The following MYZAP variants were observed in gnomAD, a reference collection of about 807,000 sequenced individuals.
The protein encoded by MYZAP is GRINL1A complex locus upstream.
Under a neutral mutation model 69.4 loss-of-function variants are expected in MYZAP, and 66 were observed. The ratio of observed to expected loss-of-function variants is 0.95; its 90% CI spans 0.78 to 1.17. The LOEUF is 1.17. Among genes scored for constraint, MYZAP ranks in the 50% most tolerant of loss-of-function variants. The probability of loss-of-function intolerance (pLI) is 0.00; values close to 1 mark genes in which losing one functional copy is unlikely to be tolerated. For missense variants in MYZAP, 611 were observed against 556.2 expected, an observed-to-expected ratio of 1.10 and a Z score of -0.99; for synonymous variants, 256 against 205.9, an observed-to-expected ratio of 1.24 and a Z score of -2.09.
intron 10 of MYZAP, among the ~76,000 whole-genome samples, chr15:57,651,573 G>A (rs1274345238): frequency 4.6e-5 from 7 of 152,208 alleles, no homozygotes; most frequent in African/African-American, 1.7e-4. Context: ...AGGGTGTGGT[G>A]TGAATAGGAC....
At chr15:57,682,958 C>G (rs1485561697) in intron 12 of MYZAP, among the ~76,000 whole-genome samples, 1 of 152,134 alleles carries the variant, frequency 6.6e-6, no homozygotes, top group Non-Finnish European at 1.5e-5. Context: ...CCTCAATTTT[C>G]CCATCATGTG....
In MYZAP at chr15:57,673,237, G is replaced by A. The variant is rs147844661; in HGVS notation, c.1204-1731G>A. 2.4e-3 allele frequency among the ~76,000 whole-genome samples: 366 copies of A among 152,160 alleles called. 3 individuals are homozygous for A. The highest frequency in any genetic ancestry group is 8.3e-3 in the African/African-American group (345 of 41,496). On this transcript the variant is annotated intron_variant, in intron 11 of 12. Coordinates refer to ENST00000267853, the MANE Select transcript of MYZAP (RefSeq NM_001018100.5). ...GCATATTTGCTAACCTTGTCTTTTA[G>A]GCCCCCTACCTATAGGTATTAGACC...
chr15:57,620,587 G>A (rs887145083), intron 3 of MYZAP, among the ~76,000 whole-genome samples: 3 of 152,182 alleles, frequency 2.0e-5, no homozygotes, highest in Non-Finnish European at 4.4e-5. Flanking sequence ...CTTGAACAGC[G>A]TTTGTGTAAA....
intron 2 of MYZAP, among the ~76,000 whole-genome samples, chr15:57,617,449 A>C (rs1396727076): frequency 6.6e-6 from 1 of 152,202 alleles, no homozygotes; most frequent in Non-Finnish European, 1.5e-5. Flanking sequence ...ACCAGCCAAC[A>C]GGACTGGGAG....
intron 7 of MYZAP, 78 bp downstream of exon 7, chr15:57,632,637 T>C: frequency 6.4e-7 from 1 of 1,569,556 alleles, no homozygotes; most frequent in Non-Finnish European, 8.6e-7. Flanking sequence ...TACGTAGTAG[T>C]GTTTATTCTT....
At chr15:57,595,535 G>A (rs1008920470) in intron 1 of MYZAP, among the ~76,000 whole-genome samples, 2 of 151,974 alleles carry the variant, frequency 1.3e-5, no homozygotes, top group Non-Finnish European at 2.9e-5. Context: ...TGTGCTTTGC[G>A]GGGAAGGCAT....
At chr15:57,602,338 G>A (rs1485648056) in intron 1 of MYZAP, among the ~76,000 whole-genome samples, 3 of 152,172 alleles carry the variant, frequency 2.0e-5, no homozygotes, top group African/African-American at 7.2e-5. Context: ...TCTGAGGTCT[G>A]TGAAGGAACT....
rs770449271 is a variant in MYZAP at position 57,621,639 on chromosome 15, G to A, written c.350G>A (p.Arg117Gln). The A allele has an allele frequency of 3.4e-5, 55 of 1,613,744 alleles. No individual in the cohort carries two copies. The South Asian group carries it at 4.2e-4, about 12-fold the overall frequency. Residue 117 changes from arginine to glutamine, a missense_variant, in exon 4 of 13, where the codon CGA (arginine) becomes CAA (glutamine). Transcript: ENST00000267853. Reference sequence around the variant, plus strand: ...GCCACTTTGGAAAAGGTGAGAAAGCGAATGTATGGAGACTATGATGAGATG... The same window carrying A: ...GCCACTTTGGAAAAGGTGAGAAAGCAAATGTATGGAGACTATGATGAGATG... ...VRATLEKVRK[R>Q]MYGDYDEMRQ...
chr15:57,631,465 G>GAAA (rs58374321), intron 6 of MYZAP, among the ~76,000 whole-genome samples: 4 of 149,572 alleles, frequency 2.7e-5, no homozygotes, highest in African/African-American at 4.9e-5. Context: ...CCCAAATTGG[G>GAAA]AAAAAAAAAA....
At chr15:57,639,368 G>A in intron 9 of MYZAP, 72 bp from the exon 10 acceptor site, 1 of 1,509,120 alleles carries the variant, frequency 6.6e-7, no homozygotes, top group Non-Finnish European at 9.1e-7. Context: ...ATTCTTTAAA[G>A]CTGTGACTGT....
chr15:57,644,172 C>T (rs1200671887), intron 10 of MYZAP, among the ~76,000 whole-genome samples: 2 of 152,320 alleles, frequency 1.3e-5, no homozygotes, highest in African/African-American at 4.8e-5. Flanking sequence ...CCCGGATTCT[C>T]AGAGCGGTGG....
rs2037010174 is a variant in MYZAP, at chr15:57,639,505, T to G, written c.1079T>G (p.Val360Gly). ...CGGATCAGACACCTAGATGACATGG[T>G]GCATTGCCAGCAGAAGAAAGTCAAG... ...RERIRHLDDM[V>G]HCQQKKVKQM... The change falls in exon 10 of 13, where the codon GTG becomes GGG. Residue 360 changes from valine to glycine, a missense_variant. Coordinates refer to ENST00000267853, the MANE Select transcript of MYZAP (RefSeq NM_001018100.5). The G allele has an allele frequency of 6.2e-7, 1 of 1,613,926 alleles. No individual in the cohort carries two copies. Among genetic ancestry groups the G allele is most frequent in the African/African-American group, 1.3e-5 (1 of 74,902 alleles).
chr15:57,602,942 T>A (rs2034510060), intron 1 of MYZAP, among the ~76,000 whole-genome samples: 1 of 152,202 alleles, frequency 6.6e-6, no homozygotes, highest in Admixed American at 6.5e-5. Context: ...GTAGTCCATT[T>A]TTCCCTCTGT....
At chr15:57,617,702 T>G (rs1208050253) in intron 2 of MYZAP, among the ~76,000 whole-genome samples, 1 of 152,202 alleles carries the variant, frequency 6.6e-6, no homozygotes, top group Non-Finnish European at 1.5e-5. Flanking sequence ...ACAGCATTAT[T>G]AAGAGCATGA....
chr15:57,621,278 T>G (rs1204354655), intron 3 of MYZAP, among the ~76,000 whole-genome samples: 1 of 149,404 alleles, frequency 6.7e-6, no homozygotes, highest in Non-Finnish European at 1.5e-5. Flanking sequence ...TGGCATGATC[T>G]CGGCTCACTG....
chr15:57,628,588 G>A (rs1211630722), intron 5 of MYZAP, among the ~76,000 whole-genome samples: 1 of 152,092 alleles, frequency 6.6e-6, no homozygotes, highest in East Asian at 1.9e-4. Context: ...CTTCAGTGCG[G>A]CCTGGAGCAA....
intron 11 of MYZAP, among the ~76,000 whole-genome samples, chr15:57,667,607 G>A (rs1196334213): frequency 6.6e-6 from 1 of 152,138 alleles, no homozygotes; most frequent in Non-Finnish European, 1.5e-5. Context: ...TTGATTTATT[G>A]TATCAAATCG....
At chr15:57,629,936 T>C in intron 6 of MYZAP, 82 bp downstream of exon 6, 1 of 1,503,130 alleles carries the variant, frequency 6.7e-7, no homozygotes, top group Non-Finnish European at 8.9e-7. Context: ...TCTTCAACCT[T>C]TCCATTTCCT....
rs189151991 is a variant in MYZAP at position 57,602,989 on chromosome 15, C to T, written c.76-1280C>T. On this transcript the variant is annotated intron_variant, in intron 1 of 12. Transcript: ENST00000267853. ...ATGACTTTGCCCCTAAGTCACCCTTCGTCAACAGAATATGATAAATCACAC... is the reference window on the plus strand; with the variant it reads ...ATGACTTTGCCCCTAAGTCACCCTTTGTCAACAGAATATGATAAATCACAC... Among the ~76,000 whole-genome samples, 5 of 152,284 alleles carry T rather than the reference C, an allele frequency of 3.3e-5. No individual in the cohort carries two copies. In the East Asian group the frequency reaches 7.7e-4, roughly 23 times the overall value.
Sources: allele counts gnomAD v4.1 joint callset (sites outside exome capture counted in the v4.1 genomes callset), GRCh38; gene constraint gnomAD v4.1.1; transcripts MANE v1.5; gene names NCBI Gene and HGNC (gene_info 2026-07-23, HGNC 2026-07-21).